Variants in MCC observed in about 807,000 individuals in gnomAD.
The protein encoded by MCC is MCC regulator of Wnt signaling pathway, also known as colorectal mutant cancer protein.
A neutral mutation model predicts 116.2 loss-of-function variants in MCC; 90 were observed. The observed-to-expected ratio is 0.77, with a 90% CI of 0.65 to 0.92. MCC has a LOEUF of 0.92. MCC is among the 40% of genes least tolerant of loss of function. The pLI is 0.00. For missense variants in MCC, 1,516 were observed against 1,312.2 expected (o/e 1.16, Z -2.40); for synonymous variants, 578 against 510.5 (o/e 1.13, Z -1.78).
chr5:113,141,866 C>T (rs989215956), intron 5 of MCC, among the ~76,000 whole-genome samples: 28 of 152,136 alleles, frequency 1.8e-4, no homozygotes, highest in Admixed American at 1.8e-3. Context: ...ACTTACTGAG[C>T]CCATTTGCTT....
chr5:113,377,805 T>C (rs1769021969), intron 2 of MCC, among the ~76,000 whole-genome samples: 1 of 152,218 alleles, frequency 6.6e-6, no homozygotes, highest in Admixed American at 6.5e-5. Context: ...ATGGTACCCA[T>C]TACTTAAAGA....
At chr5:113,198,069 A>G (rs1014641442) in intron 3 of MCC, among the ~76,000 whole-genome samples, 2 of 152,208 alleles carry the variant, frequency 1.3e-5, no homozygotes, top group African/African-American at 4.8e-5. Context: ...GTTAACAGGA[A>G]AGCTGGTGCA....
intron 6 of MCC, among the ~76,000 whole-genome samples, chr5:113,114,662 T>TCAGAAAC (rs1486045935): frequency 1.1e-4 from 17 of 152,118 alleles, no homozygotes; most frequent in Admixed American, 1.0e-3. Context: ...CAGCTGGATG[T>TCAGAAAC]CAGAAACTGT....
At chr5:113,058,309 G>A (rs915785329) in intron 14 of MCC, among the ~76,000 whole-genome samples, 2 of 152,188 alleles carry the variant, frequency 1.3e-5, no homozygotes, top group Non-Finnish European at 2.9e-5. Context: ...CATTTAGCAG[G>A]ACTGGTCCAC....
Position 113,272,284 on chromosome 5 carries a change from T to C in MCC, c.627+68235A>G, listed in dbSNP as rs138119617. On this transcript the variant is annotated intron_variant, in intron 3 of 18. Coordinates refer to ENST00000408903, the MANE Select transcript of MCC (RefSeq NM_001085377.2). Reference sequence around the variant, plus strand: ...TATGAGCCACAATTATTATCTCTAATATTGTAAGTCTAGTGGAATGGCCGT... The same window carrying C: ...TATGAGCCACAATTATTATCTCTAACATTGTAAGTCTAGTGGAATGGCCGT... 1.1e-3 allele frequency among the ~76,000 whole-genome samples: 174 copies of C among 152,238 alleles called. 5 individuals are homozygous for C. The East Asian group carries it at 0.02, about 18-fold the overall frequency.
At position 113,028,951 on chromosome 5, in the gene MCC, A is replaced by G. The variant is rs756895312; in HGVS notation, c.2862T>C (p.Asp954=). 1 of 1,613,736 alleles carries G rather than the reference A, an allele frequency of 6.2e-7. No homozygotes were observed. Among genetic ancestry groups the G allele is most frequent in the African/African-American group, 1.3e-5 (1 of 74,900 alleles). The part of the protein sequence containing the change: ...RHQQSAEFVN[D]LKRANSNLVA... ...ATTTTTACCTGTTGGCCCGCTTTAG[A>G]TCATTCACGAACTCTGCAGATTGCT... Residue 954 remains aspartate, a synonymous_variant, in exon 18 of 19, where the codon GAT becomes GAC. Coordinates refer to ENST00000408903, the MANE Select transcript of MCC (RefSeq NM_001085377.2).
At chr5:113,105,081 G>C (rs915448025) in intron 6 of MCC, among the ~76,000 whole-genome samples, 3 of 152,184 alleles carry the variant, frequency 2.0e-5, no homozygotes, top group African/African-American at 7.2e-5. Flanking sequence ...AGACAATTTT[G>C]TTGGGAAGAA....
At chr5:113,289,326 C>T (rs1338822726) in intron 3 of MCC, among the ~76,000 whole-genome samples, 1 of 117,476 alleles carries the variant, frequency 8.5e-6, no homozygotes, top group Non-Finnish European at 1.7e-5. Context: ...GAGGCTCCAT[C>T]TCAAAAAAAA....
At chr5:113,355,931 G>A (rs139935150) in intron 2 of MCC, among the ~76,000 whole-genome samples, 65 of 152,230 alleles carry the variant, frequency 4.3e-4, no homozygotes, top group African/African-American at 1.5e-3. Context: ...ATGGCATCTG[G>A]CATCCCTGTA....
chr5:113,319,506 G>A (rs1342826729), intron 3 of MCC, among the ~76,000 whole-genome samples: 1 of 152,120 alleles, frequency 6.6e-6, no homozygotes, highest in African/African-American at 2.4e-5. Context: ...GCCTTGTTTT[G>A]GGAAAGCATG....
intron 3 of MCC, among the ~76,000 whole-genome samples, chr5:113,199,349 A>G (rs1367308635): frequency 1.3e-5 from 2 of 152,174 alleles, no homozygotes; most frequent in Non-Finnish European, 2.9e-5. Flanking sequence ...TGTGGGACCA[A>G]TAATAGAAAC....
chr5:113,248,335 A>G (rs1010198309), intron 3 of MCC, among the ~76,000 whole-genome samples: 1 of 152,176 alleles, frequency 6.6e-6, no homozygotes, highest in Non-Finnish European at 1.5e-5. Flanking sequence ...TCAAAGTAAC[A>G]GAACACAGAA....
chr5:113,164,691 A>G (rs1413683290), intron 3 of MCC, among the ~76,000 whole-genome samples: 2 of 152,186 alleles, frequency 1.3e-5, no homozygotes, highest in South Asian at 2.1e-4. Context: ...TGAAACCACA[A>G]ACTTCCAAGC....
intron 3 of MCC, among the ~76,000 whole-genome samples, chr5:113,330,089 AATAGCTGAGTC>A (rs1723592130): frequency 6.6e-6 from 1 of 152,216 alleles, no homozygotes; most frequent in African/African-American, 2.4e-5. Flanking sequence ...TTTTGTAACA[AATAGCTGAGTC>A]TCAGTCAATC....
intron 1 of MCC, among the ~76,000 whole-genome samples, chr5:113,462,453 A>G (rs1014400086): frequency 6.6e-6 from 1 of 151,590 alleles, no homozygotes; most frequent in East Asian, 1.9e-4. Context: ...TCGAAACAAC[A>G]CTTTTAACAC....
At chr5:113,114,011 G>A (rs1757252685) in intron 6 of MCC, among the ~76,000 whole-genome samples, 1 of 151,550 alleles carries the variant, frequency 6.6e-6, no homozygotes, top group Admixed American at 6.6e-5. Context: ...TATAGGAGAA[G>A]GTTCCTTCTT....
At chr5:113,210,263 C>T (rs1266903265) in intron 3 of MCC, among the ~76,000 whole-genome samples, 1 of 152,120 alleles carries the variant, frequency 6.6e-6, no homozygotes, top group Non-Finnish European at 1.5e-5. Context: ...TATACCTTCC[C>T]ATAATTTGTC....
intron 3 of MCC, among the ~76,000 whole-genome samples, chr5:113,257,863 T>C (rs1018275225): frequency 5.3e-5 from 8 of 152,160 alleles, no homozygotes; most frequent in Non-Finnish European, 1.2e-4. Flanking sequence ...AAGCGTTCTA[T>C]CTAGAGCACA....
In MCC at chr5:113,122,745, G is replaced by A; in HGVS notation, c.966C>T (p.Asp322=). 1 of 1,614,170 alleles carries A rather than the reference G, an allele frequency of 6.2e-7. No individual in the cohort carries two copies. Among genetic ancestry groups the A allele is most frequent in the Non-Finnish European group, 8.5e-7 (1 of 1,180,026 alleles). ...GGATAGAGACAGAGGTCTGGTCTTG[G>A]TCCATGCTTCGAGAGTCCTCGTTGA... is the stretch of plus-strand genomic sequence containing the variant. ...HEVNEDSRSM[D]QDQTSVSIPE... is the part of the protein sequence containing the mutation. Residue 322 remains aspartate (D), a synonymous_variant, in exon 6 of 19, where the codon GAC becomes GAT. Transcript: ENST00000408903.
Sources: allele counts gnomAD v4.1 joint callset (sites outside exome capture counted in the v4.1 genomes callset), GRCh38; gene constraint gnomAD v4.1.1; transcripts MANE v1.5; gene names NCBI Gene and HGNC (gene_info 2026-07-23, HGNC 2026-07-21).